ENOSF1: variants seen among roughly 807,000 people sequenced by gnomAD.
ENOSF1 encodes the protein mitochondrial enolase superfamily member 1.
ENOSF1 carries 73 observed loss-of-function variants against 68.2 expected under a neutral mutation model. That is an observed-to-expected ratio of 1.07 (90% CI 0.89 to 1.30). The LOEUF (loss-of-function observed/expected upper bound fraction) is 1.30, where lower values mean the gene tolerates loss of function less well. Among genes scored for constraint, ENOSF1 ranks in the 50% most tolerant of loss-of-function variants. The pLI is 0.00. For missense variants in ENOSF1, 589 were observed against 554.5 expected, an observed-to-expected ratio of 1.06 and a Z score of -0.62; for synonymous variants, 223 against 210.4, an observed-to-expected ratio of 1.06 and a Z score of -0.52.
intron 9 of ENOSF1, chr18:687,177 G>C (rs1389191753): frequency 1.3e-5 from 2 of 152,242 alleles, no homozygotes; most frequent in East Asian, 1.9e-4. Flanking sequence ...CAGAGAGGTT[G>C]AGTAATTGAT....
At chr18:674,441 A>G (rs763695718) in intron 15 of ENOSF1, 35 bp from the exon 16 acceptor site, 26 of 1,309,308 alleles carry the variant, frequency 2.0e-5, no homozygotes, top group South Asian at 7.5e-5. Flanking sequence ...CCTGTTAACA[A>G]CCACCTGGAA....
In ENOSF1 at chr18:677,346, T is replaced by G. The variant is rs765915632; in HGVS notation, c.1147A>C (p.Arg383=). 1 of 1,613,104 alleles carries G rather than the reference T, an allele frequency of 6.2e-7. No homozygotes were observed. Residue 383 remains arginine (R), a splice_region_variant and synonymous_variant, in exon 14 of 16, where the codon AGG becomes CGG. Coordinates refer to ENST00000647584, the MANE Select transcript of ENOSF1 (RefSeq NM_017512.7). ...YISVSASLEN[R]VCEYVDHLHE... ...AAGTATTAATGCCACATTACTGACC[T>G]ATTTTCAAGGCTTGCAGAAACTGAT...
chr18:684,888 T>C (rs942616711), intron 10 of ENOSF1, among the ~76,000 whole-genome samples: 1 of 151,988 alleles, frequency 6.6e-6, no homozygotes, highest in Non-Finnish European at 1.5e-5. Flanking sequence ...AGAGGCTGGA[T>C]CTCACTCTGT....
rs2075062542 is a variant in ENOSF1 at position 671,773 on chromosome 18, GT to G, written c.*2531del. The stretch of plus-strand genomic sequence containing the variant: ...CTTGAAGGAGAATTGAAGTGCAAAT[GT>G]TTTTCCTTTTCTTTTTTTTTTGAGA... On this transcript the variant is annotated 3_prime_UTR_variant, in exon 16 of 16. Transcript: ENST00000647584. 3.4e-6 allele frequency: 1 copy of G among 291,296 alleles called. No individual in the cohort carries two copies. The highest frequency in any genetic ancestry group is 5.9e-6 in the Non-Finnish European group (1 of 168,092). 18.0% of individuals were successfully genotyped at this position (291,296 alleles called of 1,614,324 possible). A position where few individuals can be genotyped will look rare whatever the true frequency, so the allele number is the denominator to read the frequency against.
chr18:683,687 A>G (rs1347092703), intron 10 of ENOSF1, among the ~76,000 whole-genome samples: 2 of 152,002 alleles, frequency 1.3e-5, no homozygotes, highest in African/African-American at 4.8e-5. Context: ...CTCTGGTCCA[A>G]TCTCCATCTA....
At chr18:687,361 C>T (rs1024428231) in intron 9 of ENOSF1, 3 of 152,280 alleles carry the variant, frequency 2.0e-5, no homozygotes, top group Admixed American at 6.5e-5. Context: ...AACTTAAGAA[C>T]GCATAGGAAT....
At position 672,822 on chromosome 18, in the gene ENOSF1, A is replaced by G; in HGVS notation, c.*1483T>C. On this transcript the variant is annotated 3_prime_UTR_variant, in exon 16 of 16. Coordinates refer to ENST00000647584, the MANE Select transcript of ENOSF1 (RefSeq NM_017512.7). ...ATGAGGAGCAATTACAACAGGTCGT[A>G]CAATTATGGCAAAATAATGGCCTTA... 6.5e-7 allele frequency: 1 copy of G among 1,541,590 alleles called. No individual in the cohort carries two copies. The highest frequency in any genetic ancestry group is 8.8e-7 in the Non-Finnish European group (1 of 1,129,974).
intron 2 of ENOSF1, among the ~76,000 whole-genome samples, chr18:701,526 G>A (rs1435910264): frequency 6.6e-6 from 1 of 152,022 alleles, no homozygotes; most frequent in Non-Finnish European, 1.5e-5. Flanking sequence ...AGGTCAAGGC[G>A]GGTGGATCAC....
rs28565019 is a variant in ENOSF1, at chr18:693,978, C to T, written c.397-70G>A. 446 of 1,496,036 alleles carry T rather than the reference C, an allele frequency of 3.0e-4. 2 individuals are homozygous for T. In the African/African-American group the frequency reaches 6.2e-3, roughly 21 times the overall value. The allele number at this position is 1,496,036 out of a possible 1,614,324, so 92.7% of individuals were successfully genotyped here. On this transcript the variant is annotated intron_variant, in intron 4 of 15. Transcript: ENST00000647584. The stretch of plus-strand genomic sequence containing the variant: ...CCCCATTTTTTCCTGACAGTAAACG[C>T]GTTGGCAGCTCTAATGCTGGCTGTC...
In ENOSF1 at chr18:702,632, C is replaced by T. The variant is rs4616360; in HGVS notation, c.193+3838G>A. ...GCTTGTGCCTGTGGGCCCAGCTACT[C>T]GGGAAGGTGAGGTGGGACAATCATT... On this transcript the variant is annotated intron_variant, in intron 2 of 15. Transcript: ENST00000647584. Among the ~76,000 whole-genome samples the T allele has an allele frequency of 7.6e-3, 1,158 of 151,600 alleles. 12 individuals are homozygous for T. Among genetic ancestry groups the T allele is most frequent in the African/African-American group, 0.027 (1,104 of 41,294 alleles).
chr18:694,007 CA>C (rs1232136837), intron 4 of ENOSF1, 99 bp from the exon 5 acceptor site: 19 of 1,372,980 alleles, frequency 1.4e-5, no homozygotes, highest in Non-Finnish European at 1.9e-5. Context: ...GGCTGTCAGC[CA>C]CCAGGTCCCC....
chr18:705,116 C>G (rs1028570489), intron 2 of ENOSF1, among the ~76,000 whole-genome samples: 1 of 152,200 alleles, frequency 6.6e-6, no homozygotes, highest in Non-Finnish European at 1.5e-5. Context: ...CTTTTATATG[C>G]TTAACAATTT....
chr18:685,869 T>C lies in ENOSF1; in HGVS notation c.741+52A>G, dbSNP rs915496049. On this transcript the variant is annotated intron_variant, in intron 10 of 15. Coordinates refer to ENST00000647584, the MANE Select transcript of ENOSF1 (RefSeq NM_017512.7). ...TTCTTTAATCTTGAAACGAGTTGTA[T>C]TTAGCCCTGGACAAAGGCTACTGCT... The C allele has an allele frequency of 9.0e-6, 12 of 1,335,134 alleles. No homozygotes were observed. The African/African-American group carries it at 1.6e-4, about 18-fold the overall frequency. 82.7% of individuals were successfully genotyped at this position (1,335,134 alleles called of 1,614,324 possible).
Position 672,643 on chromosome 18 carries a change from A to C in ENOSF1, c.*1662T>G. ...AGGCACCAGGCTCCTGATGCTGTGT[A>C]ATGTCACAAAATACCCCTCACTCTC... On this transcript the variant is annotated 3_prime_UTR_variant, in exon 16 of 16. Transcript: ENST00000647584. 2.5e-6 allele frequency: 1 copy of C among 400,202 alleles called. No homozygotes were observed. The highest frequency in any genetic ancestry group is 4.5e-6 in the Non-Finnish European group (1 of 224,692). 24.8% of individuals were successfully genotyped at this position (400,202 alleles called of 1,614,324 possible). A position where few individuals can be genotyped will look rare whatever the true frequency, so the allele number is the denominator to read the frequency against.
chr18:678,304 G>T, intron 12 of ENOSF1: 1 of 312,086 alleles, frequency 3.2e-6, no homozygotes, highest in Non-Finnish European at 5.9e-6. Flanking sequence ...CTGCTCGTGG[G>T]CTGACTGCAG....
intron 11 of ENOSF1, among the ~76,000 whole-genome samples, chr18:680,586 C>T (rs1398197504): frequency 6.6e-6 from 1 of 151,956 alleles, no homozygotes; most frequent in Non-Finnish European, 1.5e-5. Context: ...CCTGCCCATT[C>T]CTCACCTCCC....
At chr18:693,206 C>CTT in intron 5 of ENOSF1, 5 of 1,289,134 alleles carry the variant, frequency 3.9e-6, no homozygotes, top group Non-Finnish European at 5.1e-6. Context: ...AGAAAGAAAA[C>CTT]AGTCAAGTGC....
At chr18:678,125 C>T (rs2075698274) in intron 12 of ENOSF1, among the ~76,000 whole-genome samples, 1 of 152,124 alleles carries the variant, frequency 6.6e-6, no homozygotes, top group Non-Finnish European at 1.5e-5. Flanking sequence ...CACTGGCTCG[C>T]CATTTATGAG....
At chr18:712,024 G>A (rs1014533662) in intron 1 of ENOSF1, among the ~76,000 whole-genome samples, 1 of 152,206 alleles carries the variant, frequency 6.6e-6, no homozygotes, top group African/African-American at 2.4e-5. Context: ...GGGTACAGAG[G>A]AAGCCAGCGA....
Sources: allele counts gnomAD v4.1 joint callset (sites outside exome capture counted in the v4.1 genomes callset), GRCh38; gene constraint gnomAD v4.1.1; transcripts MANE v1.5; gene names NCBI Gene and HGNC (gene_info 2026-07-23, HGNC 2026-07-21).